Variants in NCBP3 observed in about 807,000 individuals in gnomAD.
NCBP3 encodes the protein nuclear cap-binding protein subunit 3.
NCBP3 carries 20 observed loss-of-function variants against 75.7 expected under a neutral mutation model. That is an observed-to-expected ratio of 0.26 (90% CI 0.19 to 0.38). NCBP3 has a LOEUF of 0.38. Ranked by LOEUF, NCBP3 falls within the 10% of genes least tolerant of loss-of-function variation. The pLI is 1.00. For missense variants in NCBP3, 678 were observed against 796.9 expected, an observed-to-expected ratio of 0.85 and a Z score of 1.80; for synonymous variants, 293 against 290.5, an observed-to-expected ratio of 1.01 and a Z score of -0.09.
In NCBP3 at chr17:3,803,747, T is replaced by G. The variant is rs574800510; in HGVS notation, c.*9297A>C. 2 of 152,178 alleles carry G rather than the reference T, an allele frequency of 1.3e-5. No homozygotes were observed. Among genetic ancestry groups the G allele is most frequent in the Non-Finnish European group, 2.9e-5 (2 of 68,032 alleles). 9.4% of individuals were successfully genotyped at this position (152,178 alleles called of 1,614,324 possible). On this transcript the variant is annotated 3_prime_UTR_variant, in exon 13 of 13. Transcript: ENST00000389005. The stretch of plus-strand genomic sequence containing the variant: ...ATATTTTAAAAAATTTTTTTCTTTC[T>G]CCCCTTGATACCAGGAAGAATAAAG...
At chr17:3,836,654 CA>C (rs56253811) in intron 3 of NCBP3, among the ~76,000 whole-genome samples, 53,283 of 90,330 alleles carry the variant, frequency 0.59, 12,462 homozygotes, top group Middle Eastern at 0.68. Context: ...CTCCGTCTCT[CA>C]AAAAAAAAAA....
chr17:3,807,573 CTGGCCTGA>C lies in NCBP3; in HGVS notation c.*5463_*5470del, dbSNP rs1350888950. 2 of 152,172 alleles carry C rather than the reference CTGGCCTGA, an allele frequency of 1.3e-5. No individual in the cohort carries two copies. Among genetic ancestry groups the C allele is most frequent in the African/African-American group, 4.8e-5 (2 of 41,446 alleles). The allele number at this position is 152,172 out of a possible 1,614,324, so 9.4% of individuals were successfully genotyped here. A position where few individuals can be genotyped will look rare whatever the true frequency, so the allele number is the denominator to read the frequency against. ...CTTTCGAAGCACTACTTACTCTGGG[CTGGCCTGA>C]TGAAAGGATACAGAGATAACACCAC... On this transcript the variant is annotated 3_prime_UTR_variant, in exon 13 of 13. Coordinates refer to ENST00000389005, the MANE Select transcript of NCBP3 (RefSeq NM_001114118.3).
chr17:3,813,600 T>C (rs1443145362), intron 12 of NCBP3, among the ~76,000 whole-genome samples: 3 of 152,234 alleles, frequency 2.0e-5, no homozygotes, highest in Non-Finnish European at 4.4e-5. Flanking sequence ...GACACCACCC[T>C]GTGTGCCAAT....
intron 1 of NCBP3, among the ~76,000 whole-genome samples, chr17:3,844,228 G>A (rs778246176): frequency 5.9e-5 from 9 of 152,170 alleles, no homozygotes; most frequent in Non-Finnish European, 1.0e-4. Flanking sequence ...ACCAAGCGAG[G>A]ACTGAAGCCT....
intron 3 of NCBP3, among the ~76,000 whole-genome samples, chr17:3,837,007 G>A (rs2053984625): frequency 6.6e-6 from 1 of 151,552 alleles, no homozygotes; most frequent in East Asian, 1.9e-4. Flanking sequence ...AATTAGTTGG[G>A]CATGGTGGTG....
Position 3,843,124 on chromosome 17 carries a change from C to A in NCBP3, c.211G>T (p.Ala71Ser). 1 of 1,551,616 alleles carries A rather than the reference C, an allele frequency of 6.4e-7. No homozygotes were observed. The highest frequency in any genetic ancestry group is 8.7e-7 in the Non-Finnish European group (1 of 1,146,972). The stretch of plus-strand genomic sequence containing the variant: ...TCAATTCCAGTGATGAAGCTGCCAG[C>A]CTTGTTTTCATATCTTCTGCTCGTG... Reference protein sequence around the residue: ...PDTSRRYENKAGSFITGIDVT... With the variant: ...PDTSRRYENKSGSFITGIDVT... The change falls in exon 2 of 13, where the codon GCT becomes TCT. Residue 71 changes from alanine (A) to serine (S), a missense_variant. Transcript: ENST00000389005.
intron 10 of NCBP3, 122 bp from the exon 11 acceptor site, chr17:3,816,392 T>C (rs1167285019): frequency 7.3e-6 from 6 of 817,654 alleles, no homozygotes; most frequent in Non-Finnish European, 1.1e-5. Flanking sequence ...TGGCCAACAT[T>C]CACTTACAAA....
chr17:3,833,843 T>C (rs1053500532), intron 3 of NCBP3, among the ~76,000 whole-genome samples: 4 of 152,172 alleles, frequency 2.6e-5, no homozygotes, highest in Non-Finnish European at 4.4e-5. Context: ...ATTAAATTTT[T>C]TGTCAGATCA....
Position 3,821,254 on chromosome 17 carries a change from T to A in NCBP3, c.995A>T (p.His332Leu). 1 of 1,612,324 alleles carries A rather than the reference T, an allele frequency of 6.2e-7. No individual in the cohort carries two copies. Among genetic ancestry groups the A allele is most frequent in the Non-Finnish European group, 8.5e-7 (1 of 1,178,412 alleles). ...DVGLTSYKHR[H>L]SGLVNVPEEP... ...AGAGCTGAGCAGGCAACTACCAGAATGTCGATGTTTATACGACGTCAAGCC... is the reference window on the plus strand; with the variant it reads ...AGAGCTGAGCAGGCAACTACCAGAAAGTCGATGTTTATACGACGTCAAGCC... The change falls in exon 9 of 13, where the codon CAT becomes CTT. Residue 332 changes from histidine to leucine, a missense_variant. His to Leu is a moderately conservative substitution (Grantham distance 99). This residue lies in a region of NCBP3 where 365 missense variants were observed against 392.7 expected (regional missense o/e 0.93). Transcript: ENST00000389005.
chr17:3,839,994 G>T, intron 3 of NCBP3, 106 bp downstream of exon 3: 1 of 784,708 alleles, frequency 1.3e-6, no homozygotes, highest in Non-Finnish European at 2.1e-6. Context: ...AAGAGTGCTT[G>T]GATAAGGAGT....
At chr17:3,829,107 T>C in intron 4 of NCBP3, 136 bp downstream of exon 4, 1 of 976,680 alleles carries the variant, frequency 1.0e-6, no homozygotes, top group Non-Finnish European at 1.5e-6. Flanking sequence ...TCGACAATTT[T>C]TTCTCTCCTG....
rs1437381629 is a variant in NCBP3 at position 3,811,792 on chromosome 17, G to A, written c.*1252C>T. On this transcript the variant is annotated 3_prime_UTR_variant, in exon 13 of 13. Transcript: ENST00000389005. ...AAAAACACTGTTTCTTAAAACTGCA[G>A]AGGAATACAAAATTAAATACTACAA... 6.6e-6 allele frequency: 1 copy of A among 152,214 alleles called. No individual in the cohort carries two copies. Among genetic ancestry groups the A allele is most frequent in the East Asian group, 1.9e-4 (1 of 5,198 alleles). The allele number at this position is 152,214 out of a possible 1,614,324, so 9.4% of individuals were successfully genotyped here.
chr17:3,820,017 A>G (rs2053632855), intron 9 of NCBP3, among the ~76,000 whole-genome samples: 1 of 152,200 alleles, frequency 6.6e-6, no homozygotes, highest in Non-Finnish European at 1.5e-5. Flanking sequence ...CAGTGGCACA[A>G]TCTTGGCTCA....
Position 3,835,828 on chromosome 17 carries a change from G to A in NCBP3, c.355+4272C>T, listed in dbSNP as rs533253376. ...TGACACTGAATCGTTCAAATGTAGC[G>A]AGTCACTCTTGATGCAGGACAGTCC... On this transcript the variant is annotated intron_variant, in intron 3 of 12. Coordinates refer to ENST00000389005, the MANE Select transcript of NCBP3 (RefSeq NM_001114118.3). Among the ~76,000 whole-genome samples, 15 of 152,322 alleles carry A rather than the reference G, an allele frequency of 9.8e-5. No homozygotes were observed. In the South Asian group the frequency reaches 1.2e-3, roughly 13 times the overall value.
At chr17:3,829,472 G>C (rs985793313) in intron 3 of NCBP3, 104 bp from the exon 4 acceptor site, 2 of 1,228,882 alleles carry the variant, frequency 1.6e-6, no homozygotes, top group African/African-American at 1.5e-5. Flanking sequence ...AGTTTAGAAA[G>C]AAACATGCTG....
chr17:3,839,613 G>T (rs1374501972), intron 3 of NCBP3, among the ~76,000 whole-genome samples: 1 of 152,128 alleles, frequency 6.6e-6, no homozygotes, highest in Non-Finnish European at 1.5e-5. Flanking sequence ...CTCCCAAAGT[G>T]CTGGGATTAC....
chr17:3,813,350 A>G, intron 12 of NCBP3, 71 bp from the exon 13 acceptor site: 1 of 1,560,806 alleles, frequency 6.4e-7, no homozygotes, highest in Non-Finnish European at 8.7e-7. Context: ...AGGGGGCAGC[A>G]GCACTGCCAA....
chr17:3,826,870 G>A (rs562922053), intron 4 of NCBP3, among the ~76,000 whole-genome samples: 16 of 151,846 alleles, frequency 1.1e-4, no homozygotes, highest in African/African-American at 3.6e-4. Context: ...AAAATTAGCC[G>A]GGCGTGGTGG....
At chr17:3,834,866 A>C (rs2053947577) in intron 3 of NCBP3, among the ~76,000 whole-genome samples, 1 of 152,126 alleles carries the variant, frequency 6.6e-6, no homozygotes, top group Non-Finnish European at 1.5e-5. Flanking sequence ...CACTAACCTC[A>C]TTTCTTTTTT....
Sources: gnomAD v4.1 joint callset for allele counts (sites outside exome capture counted in the v4.1 genomes callset) on GRCh38, gnomAD v4.1.1 for gene constraint, gnomAD v4.1.1 regional missense constraint, MANE v1.5 for transcripts, NCBI Gene and HGNC (gene_info 2026-07-23, HGNC 2026-07-21) for gene names.